The following DDX52 variants were observed in gnomAD, a reference collection of about 807,000 sequenced individuals.
DDX52 encodes probable ATP-dependent RNA helicase DDX52.
DDX52 carries 59 observed loss-of-function variants against 76.1 expected under a neutral mutation model. The observed-to-expected ratio is 0.78, with a 90% CI of 0.63 to 0.96. The LOEUF is 0.96. DDX52 is among the 40% of genes least tolerant of loss of function. DDX52 has a pLI of 0.00. For missense variants in DDX52, 707 were observed against 703.9 expected (o/e 1.00, Z -0.05); for synonymous variants, 231 against 244.1 (o/e 0.95, Z 0.50).
intron 1 of DDX52, 93 bp downstream of exon 1, chr17:37,643,241 G>A (rs1340975246): frequency 2.2e-6 from 3 of 1,369,582 alleles, no homozygotes; most frequent in Non-Finnish European, 3.0e-6. Context: ...GGCCACGGGT[G>A]TCCAAGTGCG....
In DDX52 at chr17:37,632,189, A is replaced by C; in HGVS notation, c.527T>G (p.Leu176Arg). 6.2e-7 allele frequency: 1 copy of C among 1,613,858 alleles called. No individual in the cohort carries two copies. Among genetic ancestry groups the C allele is most frequent in the Non-Finnish European group, 8.5e-7 (1 of 1,179,984 alleles). Residue 176 changes from leucine to arginine, a missense_variant, in exon 4 of 15, where the codon CTA becomes CGA. Physicochemically the swap from Leu to Arg is moderately radical, Grantham distance 102 (BLOSUM62 -2). Coordinates refer to ENST00000617633, the MANE Select transcript of DDX52 (RefSeq NM_007010.5). ...LDQEYKINSR[L>R]LQNILDAGFQ... Reference sequence around the variant, plus strand: ...ACCTGCATCTAGAATGTTCTGAAGTAGTCGAGAATTGATTTTATATTCCTG... The same window carrying C: ...ACCTGCATCTAGAATGTTCTGAAGTCGTCGAGAATTGATTTTATATTCCTG...
chr17:37,616,721 G>T (rs923295702), intron 14 of DDX52, among the ~76,000 whole-genome samples: 1 of 151,428 alleles, frequency 6.6e-6, no homozygotes, highest in African/African-American at 2.4e-5. Context: ...AAGTACAAAT[G>T]GAATTTGTAC....
chr17:37,634,519 T>C lies in DDX52; in HGVS notation c.287-1101A>G, dbSNP rs374205939. Reference sequence around the variant, plus strand: ...GATGGCAGGTGCCTGTAATCCTAGTTACTCAGGAGGCTGAGGCAGGAGAAT... The same window carrying C: ...GATGGCAGGTGCCTGTAATCCTAGTCACTCAGGAGGCTGAGGCAGGAGAAT... On this transcript the variant is annotated intron_variant, in intron 2 of 14. Coordinates refer to ENST00000617633, the MANE Select transcript of DDX52 (RefSeq NM_007010.5). Among the ~76,000 whole-genome samples, 6 of 151,492 alleles carry C rather than the reference T, an allele frequency of 4.0e-5. No homozygotes were observed. In the East Asian group the frequency reaches 1.0e-3, roughly 26 times the overall value.
chr17:37,615,132 A>C (rs1034508002), intron 14 of DDX52: 4 of 152,204 alleles, frequency 2.6e-5, no homozygotes, highest in Non-Finnish European at 4.4e-5. Flanking sequence ...GAAGATAACA[A>C]CCTTAAGAGC....
At chr17:37,625,459 C>G (rs1257748797) in intron 8 of DDX52, among the ~76,000 whole-genome samples, 1 of 152,128 alleles carries the variant, frequency 6.6e-6, no homozygotes, top group Non-Finnish European at 1.5e-5. Context: ...GTAGCAGTAT[C>G]ATAATTTCTT....
chr17:37,633,629 C>T (rs918093189), intron 2 of DDX52, among the ~76,000 whole-genome samples: 2 of 147,826 alleles, frequency 1.4e-5, no homozygotes, highest in African/African-American at 5.0e-5. Flanking sequence ...GCATTCCAGC[C>T]TGGGTAACAG....
rs1226053325 is a variant in DDX52 at position 37,612,454 on chromosome 17, T to C, written c.*1842A>G. 1.3e-5 allele frequency: 2 copies of C among 152,164 alleles called. No homozygotes were observed. Among genetic ancestry groups the C allele is most frequent in the African/African-American group, 4.8e-5 (2 of 41,410 alleles). 9.4% of individuals were successfully genotyped at this position (152,164 alleles called of 1,614,324 possible). On this transcript the variant is annotated 3_prime_UTR_variant, in exon 15 of 15. Transcript: ENST00000617633. ...CAAGTCTACATGTTCCAACTGTCTATAGCATGCAGGACAGTAACATGCTAT... is the reference window on the plus strand; with the variant it reads ...CAAGTCTACATGTTCCAACTGTCTACAGCATGCAGGACAGTAACATGCTAT...
intron 5 of DDX52, among the ~76,000 whole-genome samples, chr17:37,629,359 C>T (rs923048887): frequency 6.6e-6 from 1 of 151,498 alleles, no homozygotes; most frequent in South Asian, 2.1e-4. Flanking sequence ...TCACTGTATA[C>T]TTTTCCCTTC....
At chr17:37,631,816 C>G in intron 4 of DDX52, 1 of 414,436 alleles carries the variant, frequency 2.4e-6, no homozygotes, top group East Asian at 4.2e-5. Context: ...ATGATTGGTG[C>G]GAATACAAAG....
chr17:37,623,333 G>A (rs537916932), intron 9 of DDX52, among the ~76,000 whole-genome samples: 4 of 152,300 alleles, frequency 2.6e-5, no homozygotes, highest in African/African-American at 9.6e-5. Flanking sequence ...ACTGAGGTAG[G>A]AGAATGGCGT....
At chr17:37,635,383 T>C (rs1408234196) in intron 2 of DDX52, among the ~76,000 whole-genome samples, 1 of 152,252 alleles carries the variant, frequency 6.6e-6, no homozygotes, top group African/African-American at 2.4e-5. Context: ...CATCACTCCA[T>C]GCATAGGCAA....
chr17:37,639,139 C>T (rs1004084124), intron 2 of DDX52, among the ~76,000 whole-genome samples: 1 of 151,972 alleles, frequency 6.6e-6, no homozygotes, highest in Non-Finnish European at 1.5e-5. Flanking sequence ...TGACATATGA[C>T]AATCTGGAAA....
rs745485397 is a variant in DDX52, at chr17:37,626,842, G to A, written c.878C>T (p.Pro293Leu). Reference sequence around the variant, plus strand: ...CTTTAATAAATAGATTAGTCGATTTGGAGTAGTCACAAGAATATCTATAGG... The same window carrying A: ...CTTTAATAAATAGATTAGTCGATTTAGAGTAGTCACAAGAATATCTATAGG... Reference protein sequence around the residue: ...SKKFDILVTTPNRLIYLLKQD... With the variant: ...SKKFDILVTTLNRLIYLLKQD... The change falls in exon 7 of 15, where the codon CCA becomes CTA. Residue 293 changes from proline (P) to leucine (L), a missense_variant. Pro to Leu is a moderately conservative substitution (Grantham distance 98). Coordinates refer to ENST00000617633, the MANE Select transcript of DDX52 (RefSeq NM_007010.5). 2 of 1,612,184 alleles carry A rather than the reference G, an allele frequency of 1.2e-6. No homozygotes were observed. The highest frequency in any genetic ancestry group is 3.4e-5 in the Admixed American group (2 of 59,628).
intron 6 of DDX52, among the ~76,000 whole-genome samples, chr17:37,627,235 C>T (rs1378969620): frequency 6.6e-6 from 1 of 152,098 alleles, no homozygotes. Flanking sequence ...GACAGTCTAG[C>T]TCTGTCGCCC....
intron 13 of DDX52, among the ~76,000 whole-genome samples, chr17:37,619,098 C>A (rs899755660): frequency 1.3e-5 from 2 of 152,114 alleles, no homozygotes; most frequent in African/African-American, 4.8e-5. Context: ...CAAGGATAAG[C>A]CTAGGTGCAG....
At chr17:37,620,463 T>G (rs1317143176) in intron 12 of DDX52, 1 of 169,806 alleles carries the variant, frequency 5.9e-6, no homozygotes, top group Admixed American at 6.2e-5. Flanking sequence ...CCAAAATATT[T>G]ACCAAAACTG....
intron 13 of DDX52, among the ~76,000 whole-genome samples, chr17:37,619,504 A>G (rs1047219245): frequency 6.6e-6 from 1 of 152,086 alleles, no homozygotes; most frequent in Non-Finnish European, 1.5e-5. Context: ...GGAGTTCAAG[A>G]CTAGCCTGGT....
intron 14 of DDX52, among the ~76,000 whole-genome samples, chr17:37,616,281 G>A (rs1435983500): frequency 1.3e-5 from 2 of 152,148 alleles, no homozygotes; most frequent in East Asian, 3.9e-4. Flanking sequence ...AAGTGGCCAA[G>A]CATAACAAGG....
At chr17:37,621,304 G>A in intron 10 of DDX52, 27 bp from the exon 11 acceptor site, 2 of 1,593,822 alleles carry the variant, frequency 1.3e-6, no homozygotes, top group African/African-American at 2.7e-5. Flanking sequence ...ATATTAAATT[G>A]TTTTAGAATG....
Sources: gnomAD v4.1 joint callset for allele counts (sites outside exome capture counted in the v4.1 genomes callset) on GRCh38, gnomAD v4.1.1 for gene constraint, MANE v1.5 for transcripts, NCBI Gene and HGNC (gene_info 2026-07-23, HGNC 2026-07-21) for gene names.